The following CEP170 variants were observed in gnomAD, a reference collection of about 807,000 sequenced individuals.
CEP170 encodes the protein centrosomal protein 170.
In CEP170, 21 loss-of-function variants were observed where a neutral mutation model predicts 151.9. That is an observed-to-expected ratio of 0.14 (90% confidence interval 0.10 to 0.20). The LOEUF is 0.20. CEP170 is among the 10% of genes least tolerant of loss of function. CEP170 has a pLI of 1.00. For missense variants in CEP170, 964 were observed against 1,892.9 expected (o/e 0.51, Z 9.11); for synonymous variants, 356 against 648.8 (o/e 0.55, Z 6.86).
Position 243,187,820 on chromosome 1 carries a change from C to A in CEP170, c.1109-1398G>T, listed in dbSNP as rs143374011. On this transcript the variant is annotated intron_variant, in intron 8 of 19. Transcript: ENST00000366542. The stretch of plus-strand genomic sequence containing the variant: ...TGAGAAGACACAGAAGAGAGAACTG[C>A]GGAATGCACAGAAAAGGGTCATGTC... 7.4e-3 allele frequency among the ~76,000 whole-genome samples: 1,125 copies of A among 152,072 alleles called. 16 individuals are homozygous for A. The highest frequency in any genetic ancestry group is 0.026 in the African/African-American group (1,073 of 41,488).
chr1:243,221,168 G>A (rs1177763057), intron 3 of CEP170, among the ~76,000 whole-genome samples: 1 of 152,126 alleles, frequency 6.6e-6, no homozygotes. Flanking sequence ...GGGACTACAG[G>A]AGCCCGCCAC....
intron 13 of CEP170, among the ~76,000 whole-genome samples, chr1:243,157,700 T>A (rs535450361): frequency 6.6e-6 from 1 of 152,202 alleles, no homozygotes; most frequent in African/African-American, 2.4e-5. Flanking sequence ...TGTCTTTTCC[T>A]CCAAAAACTA....
chr1:243,135,897 T>C lies in CEP170; in HGVS notation c.4319+246A>G, dbSNP rs924311824. On this transcript the variant is annotated intron_variant, in intron 17 of 19. Transcript: ENST00000366542. ...TTCATTACATTTTAAATTTTAATTA[T>C]AGGAATCAGAAATAAGCAATAGCAG... The C allele has an allele frequency of 7.8e-4, 204 of 260,812 alleles. 1 individual carries two copies. Among genetic ancestry groups the C allele is most frequent in the Middle Eastern group, 1.3e-3 (1 of 792 alleles). The allele number at this position is 260,812 out of a possible 1,614,324, so 16.2% of individuals were successfully genotyped here.
At chr1:243,246,427 T>A (rs2065406727) in intron 1 of CEP170, among the ~76,000 whole-genome samples, 1 of 152,060 alleles carries the variant, frequency 6.6e-6, no homozygotes, top group South Asian at 2.1e-4. Context: ...AGACAGGGTT[T>A]CCCCATGTTG....
chr1:243,228,302 C>G (rs1221838620), intron 1 of CEP170, among the ~76,000 whole-genome samples: 1 of 152,164 alleles, frequency 6.6e-6, no homozygotes, highest in Non-Finnish European at 1.5e-5. Flanking sequence ...AAAGCTACAA[C>G]AATCAACTCG....
At chr1:243,151,686 T>C (rs535936794) in intron 14 of CEP170, among the ~76,000 whole-genome samples, 1 of 152,408 alleles carries the variant, frequency 6.6e-6, no homozygotes, top group African/African-American at 2.4e-5. Context: ...CAAGTGCTGA[T>C]ATAGAAGCTG....
intron 8 of CEP170, 91 bp from the exon 9 acceptor site, chr1:243,186,513 C>T (rs1204945158): frequency 6.0e-5 from 82 of 1,359,422 alleles, no homozygotes; most frequent in Non-Finnish European, 7.8e-5. Flanking sequence ...TGTTTTGCTC[C>T]CCTCCTCCTT....
In CEP170 at chr1:243,164,715, A is replaced by G. The variant is rs751154204; in HGVS notation, c.3245T>C (p.Val1082Ala). 3.6e-5 allele frequency: 58 copies of G among 1,613,494 alleles called. No individual in the cohort carries two copies. Among genetic ancestry groups the G allele is most frequent in the Admixed American group, 1.0e-4 (6 of 59,950 alleles). Residue 1082 changes from valine (V) to alanine (A), a missense_variant, in exon 13 of 20, where the codon GTA (valine) becomes GCA (alanine). Coordinates refer to ENST00000366542, the MANE Select transcript of CEP170 (RefSeq NM_014812.3). Reference protein sequence around the residue: ...KVTKSKTSPVVSGSSSKSTTL... With the variant: ...KVTKSKTSPVASGSSSKSTTL... ...GGTTGATTTACTAGATGAACCAGATACCACCGGAGAAGTCTTAGATTTCGT... is the reference window on the plus strand; with the variant it reads ...GGTTGATTTACTAGATGAACCAGATGCCACCGGAGAAGTCTTAGATTTCGT...
At chr1:243,137,362 T>G (rs1019346809) in intron 16 of CEP170, among the ~76,000 whole-genome samples, 11 of 152,146 alleles carry the variant, frequency 7.2e-5, no homozygotes, top group African/African-American at 2.4e-4. Flanking sequence ...GCAAAAAGGT[T>G]TAAAGACCAC....
chr1:243,142,822 A>C (rs1447533141), intron 14 of CEP170, among the ~76,000 whole-genome samples: 3 of 152,186 alleles, frequency 2.0e-5, no homozygotes, highest in Non-Finnish European at 4.4e-5. Context: ...AAATGAGAAA[A>C]AACAATTACA....
chr1:243,149,961 T>C (rs2056904059), intron 14 of CEP170, among the ~76,000 whole-genome samples: 1 of 151,996 alleles, frequency 6.6e-6, no homozygotes, highest in Non-Finnish European at 1.5e-5. Context: ...ATTTTAGGCT[T>C]TGAAAAACAT....
chr1:243,142,187 T>C (rs1318827791), intron 15 of CEP170, 129 bp downstream of exon 15: 1 of 1,544,926 alleles, frequency 6.5e-7, no homozygotes, highest in African/African-American at 1.4e-5. Context: ...TAAAGCAAAG[T>C]TGGAAAATGC....
At chr1:243,150,220 G>A (rs1365371826) in intron 14 of CEP170, among the ~76,000 whole-genome samples, 2 of 152,080 alleles carry the variant, frequency 1.3e-5, no homozygotes. Context: ...GCGTGATCTC[G>A]GCTCACTGCA....
At chr1:243,245,443 C>A (rs918930035) in intron 1 of CEP170, among the ~76,000 whole-genome samples, 1 of 151,948 alleles carries the variant, frequency 6.6e-6, no homozygotes, top group Admixed American at 6.6e-5. Flanking sequence ...TTGGCCAGTG[C>A]GGTGGCTCAC....
At chr1:243,241,305 C>CT (rs2064812738) in intron 1 of CEP170, among the ~76,000 whole-genome samples, 1 of 152,238 alleles carries the variant, frequency 6.6e-6, no homozygotes, top group Non-Finnish European at 1.5e-5. Flanking sequence ...AAACCAGACA[C>CT]TAGCAATTTA....
chr1:243,238,988 T>C (rs1258998071), intron 1 of CEP170, among the ~76,000 whole-genome samples: 2 of 152,224 alleles, frequency 1.3e-5, no homozygotes, highest in Admixed American at 6.5e-5. Flanking sequence ...AATTCTGTTT[T>C]TACGGGGTTA....
At chr1:243,159,758 C>CG (rs2057887917) in intron 13 of CEP170, among the ~76,000 whole-genome samples, 2 of 59,718 alleles carry the variant, frequency 3.3e-5, no homozygotes, top group East Asian at 5.0e-4. Context: ...TTTTTGTTTC[C>CG]GGTTTTGTGT....
chr1:243,245,503 C>T (rs1475357953), intron 1 of CEP170, among the ~76,000 whole-genome samples: 1 of 152,114 alleles, frequency 6.6e-6, no homozygotes, highest in South Asian at 2.1e-4. Context: ...ATCACGAGGT[C>T]AGGAGTTCAA....
At chr1:243,229,542 C>T (rs2063552230) in intron 1 of CEP170, among the ~76,000 whole-genome samples, 2 of 152,122 alleles carry the variant, frequency 1.3e-5, no homozygotes, top group Admixed American at 6.5e-5. Flanking sequence ...ATGGAATTGC[C>T]ATCTTTCATG....
Sources: gnomAD v4.1 joint callset for allele counts (sites outside exome capture counted in the v4.1 genomes callset) on GRCh38, gnomAD v4.1.1 for gene constraint, MANE v1.5 for transcripts, NCBI Gene and HGNC (gene_info 2026-07-23, HGNC 2026-07-21) for gene names.